The following YWHAE variants were observed in gnomAD, a reference collection of about 807,000 sequenced individuals.
The protein encoded by YWHAE is 14-3-3 protein epsilon.
In YWHAE, 4 loss-of-function variants were observed where a neutral mutation model predicts 30.1. That is an observed-to-expected ratio of 0.13 (90% CI 0.07 to 0.30). The LOEUF (loss-of-function observed/expected upper bound fraction) is 0.30. Among genes scored for constraint, YWHAE ranks in the 10% least tolerant of loss-of-function variants. The pLI is 1.00. For missense variants in YWHAE, 121 were observed against 315.9 expected, an observed-to-expected ratio of 0.38 and a Z score of 4.68; for synonymous variants, 118 against 111.8, an observed-to-expected ratio of 1.06 and a Z score of -0.35.
At chr17:1,351,747 C>T (rs1239131516) in intron 5 of YWHAE, among the ~76,000 whole-genome samples, 1 of 152,084 alleles carries the variant, frequency 6.6e-6, no homozygotes, top group Non-Finnish European at 1.5e-5. Context: ...GTCTGAGAAG[C>T]ATGCGTTGTC....
At chr17:1,383,606 T>A (rs1441255239) in intron 1 of YWHAE, among the ~76,000 whole-genome samples, 1 of 151,446 alleles carries the variant, frequency 6.6e-6, no homozygotes, top group Non-Finnish European at 1.5e-5. Flanking sequence ...CAGGCTGGTC[T>A]TGAACTCCTG....
At chr17:1,376,595 A>T (rs1479504691) in intron 1 of YWHAE, among the ~76,000 whole-genome samples, 1 of 151,934 alleles carries the variant, frequency 6.6e-6, no homozygotes, top group Non-Finnish European at 1.5e-5. Context: ...CAGCCTCCTG[A>T]ATACAAAAAG....
At chr17:1,347,220 T>TC (rs2072537921) in intron 5 of YWHAE, among the ~76,000 whole-genome samples, 1 of 149,026 alleles carries the variant, frequency 6.7e-6, no homozygotes, top group African/African-American at 2.5e-5. Flanking sequence ...GCGCCTGTAG[T>TC]CCCAGCTACT....
rs765805036 is a variant in YWHAE, at chr17:1,364,803, G to T, written c.264+56C>A. On this transcript the variant is annotated intron_variant, in intron 2 of 5. Transcript: ENST00000264335. ...TTTCTCTCAAAATCTTAAGTGTACC[G>T]TCCTACAGGTAACTCAAACTGTGGA... 2.5e-6 allele frequency: 4 copies of T among 1,596,290 alleles called. No individual in the cohort carries two copies. In the Admixed American group the frequency reaches 6.7e-5, roughly 27 times the overall value.
intron 1 of YWHAE, among the ~76,000 whole-genome samples, chr17:1,376,424 AAG>A (rs1276681916): frequency 6.6e-6 from 1 of 151,750 alleles, no homozygotes; most frequent in Admixed American, 6.6e-5. Context: ...AAAAGAAGGA[AAG>A]AAGTTCACTC....
chr17:1,384,010 C>T (rs1378742719), intron 1 of YWHAE, among the ~76,000 whole-genome samples: 1 of 151,862 alleles, frequency 6.6e-6, no homozygotes, highest in African/African-American at 2.4e-5. Context: ...TCAAGACCAA[C>T]CTGGCCAACA....
At chr17:1,356,531 T>G (rs535495372) in intron 4 of YWHAE, among the ~76,000 whole-genome samples, 1 of 152,186 alleles carries the variant, frequency 6.6e-6, no homozygotes, top group African/African-American at 2.4e-5. Context: ...GCGAGTGACT[T>G]TAAACTGGAG....
intron 4 of YWHAE, among the ~76,000 whole-genome samples, chr17:1,357,572 T>C (rs1598233385): frequency 1.3e-5 from 2 of 151,060 alleles, no homozygotes; most frequent in East Asian, 3.9e-4. Flanking sequence ...AGAGTGAGAC[T>C]CCGTCAAAAT....
At chr17:1,399,212 C>A (rs1262303447) in intron 1 of YWHAE, 3 of 152,066 alleles carry the variant, frequency 2.0e-5, no homozygotes, top group Admixed American at 2.0e-4. Flanking sequence ...TCAGAACCCA[C>A]GGGTGATGGA....
intron 1 of YWHAE, among the ~76,000 whole-genome samples, chr17:1,389,530 T>C (rs2150875506): frequency 6.6e-6 from 1 of 150,730 alleles, no homozygotes; most frequent in East Asian, 1.9e-4. Context: ...TTACGTTTTC[T>C]TTCTTTTTTT....
At chr17:1,371,407 T>C (rs770772381) in intron 1 of YWHAE, among the ~76,000 whole-genome samples, 2 of 152,072 alleles carry the variant, frequency 1.3e-5, no homozygotes, top group African/African-American at 2.4e-5. Flanking sequence ...CAATGTGCAG[T>C]AATACATTGA....
At chr17:1,355,056 G>A (rs115810196) in intron 4 of YWHAE, among the ~76,000 whole-genome samples, 1,645 of 99,282 alleles carry the variant, frequency 0.017, 26 homozygotes, top group African/African-American at 0.046. Context: ...GCAATCTTCC[G>A]AACCTTAGCC....
intron 1 of YWHAE, among the ~76,000 whole-genome samples, chr17:1,382,783 G>A (rs1445740299): frequency 1.3e-5 from 2 of 152,168 alleles, no homozygotes; most frequent in Admixed American, 1.3e-4. Flanking sequence ...CCAGCAATTT[G>A]AGAGGCTGAG....
chr17:1,372,947 A>G (rs2073063404), intron 1 of YWHAE, among the ~76,000 whole-genome samples: 1 of 152,056 alleles, frequency 6.6e-6, no homozygotes, highest in African/African-American at 2.4e-5. Flanking sequence ...AAAAATTAAT[A>G]GTAAAAGAAC....
At chr17:1,392,546 T>C (rs2073403858) in intron 1 of YWHAE, among the ~76,000 whole-genome samples, 1 of 152,006 alleles carries the variant, frequency 6.6e-6, no homozygotes, top group Non-Finnish European at 1.5e-5. Flanking sequence ...TTGTCCCTCC[T>C]AGAAGTTGTA....
rs560559768 is a variant in YWHAE at position 1,378,099 on chromosome 17, A to T, written c.65-13041T>A. ...TATGGTTTGGAGGGGATAGTATGCA[A>T]GTTTGTTGGAGAGAAACTTACAAGG... On this transcript the variant is annotated intron_variant, in intron 1 of 5. Coordinates refer to ENST00000264335, the MANE Select transcript of YWHAE (RefSeq NM_006761.5). Among the ~76,000 whole-genome samples, 3 of 152,344 alleles carry T rather than the reference A, an allele frequency of 2.0e-5. No individual in the cohort carries two copies. The South Asian group carries it at 6.2e-4, about 32-fold the overall frequency.
chr17:1,361,073 G>T lies in YWHAE; in HGVS notation c.578+19C>A, dbSNP rs755194734. 6.2e-7 allele frequency: 1 copy of T among 1,610,830 alleles called. No individual in the cohort carries two copies. Among genetic ancestry groups the T allele is most frequent in the African/African-American group, 1.3e-5 (1 of 74,834 alleles). On this transcript the variant is annotated intron_variant, in intron 4 of 5. Coordinates refer to ENST00000264335, the MANE Select transcript of YWHAE (RefSeq NM_006761.5). The stretch of plus-strand genomic sequence containing the variant: ...CTTAACTTTCACGCTGAGCGCTGCT[G>T]TTCTTCCCCACAACTTACCTGCAGG...
chr17:1,379,508 A>G (rs900346887), intron 1 of YWHAE, among the ~76,000 whole-genome samples: 4 of 152,338 alleles, frequency 2.6e-5, no homozygotes, highest in African/African-American at 9.6e-5. Flanking sequence ...CATACATGCA[A>G]AACTTCTAAT....
At chr17:1,370,499 C>T (rs1393718473) in intron 1 of YWHAE, among the ~76,000 whole-genome samples, 1 of 151,962 alleles carries the variant, frequency 6.6e-6, no homozygotes, top group Non-Finnish European at 1.5e-5. Flanking sequence ...GGCACAATCT[C>T]GGCTCACTGC....
Sources: gnomAD v4.1 joint callset for allele counts (sites outside exome capture counted in the v4.1 genomes callset) on GRCh38, gnomAD v4.1.1 for gene constraint, MANE v1.5 for transcripts, NCBI Gene and HGNC (gene_info 2026-07-23, HGNC 2026-07-21) for gene names.